DISC1: variants seen among roughly 807,000 people sequenced by gnomAD.
DISC1 encodes the protein DISC1 scaffold protein.
DISC1 carries 57 observed loss-of-function variants against 84.5 expected under a neutral mutation model. That is an observed-to-expected ratio of 0.67 (90% CI 0.55 to 0.84). The LOEUF is 0.84. Ranked by LOEUF, DISC1 falls within the 40% of genes least tolerant of loss-of-function variation. DISC1 has a pLI of 0.00. For missense variants in DISC1, 1,000 were observed against 1,057.8 expected, an observed-to-expected ratio of 0.95 and a Z score of 0.76; for synonymous variants, 411 against 415.2, an observed-to-expected ratio of 0.99 and a Z score of 0.12.
chr1:231,948,604 T>TA (rs1359184237), intron 9 of DISC1, among the ~76,000 whole-genome samples: 1 of 150,114 alleles, frequency 6.7e-6, no homozygotes, highest in African/African-American at 2.5e-5. Context: ...TAAAGTATAA[T>TA]TAAAAAAAAA....
At chr1:231,677,821 A>G (rs1379658293) in intron 1 of DISC1, among the ~76,000 whole-genome samples, 1 of 152,202 alleles carries the variant, frequency 6.6e-6, no homozygotes, top group African/African-American at 2.4e-5. Flanking sequence ...TCTACTAATA[A>G]TGCAAAAATT....
intron 3 of DISC1, among the ~76,000 whole-genome samples, chr1:231,727,962 A>C (rs2070965721): frequency 6.6e-6 from 1 of 151,538 alleles, no homozygotes. Flanking sequence ...AAAAAAAAGG[A>C]GGGGTAGGGG....
intron 11 of DISC1, among the ~76,000 whole-genome samples, chr1:232,012,258 T>A (rs1558836003): frequency 6.6e-6 from 1 of 152,178 alleles, no homozygotes; most frequent in East Asian, 1.9e-4. Flanking sequence ...TTTACATGTA[T>A]AATATACTCA....
chr1:231,695,443 G>T (rs1472586056), intron 2 of DISC1, among the ~76,000 whole-genome samples: 1 of 152,194 alleles, frequency 6.6e-6, no homozygotes, highest in Non-Finnish European at 1.5e-5. Context: ...TGTCCATCCA[G>T]TTATCTGAGA....
chr1:231,995,220 A>T (rs1475096472), intron 10 of DISC1, among the ~76,000 whole-genome samples: 1 of 152,004 alleles, frequency 6.6e-6, no homozygotes, highest in Non-Finnish European at 1.5e-5. Flanking sequence ...CATGAGGACT[A>T]TTCTACCTTC....
chr1:231,956,437 A>G (rs1163948051), intron 9 of DISC1, among the ~76,000 whole-genome samples: 1 of 152,084 alleles, frequency 6.6e-6, no homozygotes, highest in Non-Finnish European at 1.5e-5. Context: ...CCACATCTCC[A>G]TCATCTTTTC....
intron 1 of DISC1, among the ~76,000 whole-genome samples, chr1:231,659,231 T>C (rs1008038224): frequency 4.6e-5 from 7 of 152,144 alleles, no homozygotes; most frequent in Admixed American, 1.3e-4. Context: ...GTCTAGGAAT[T>C]TATCCATTTC....
chr1:231,815,628 C>A (rs2080870671), intron 8 of DISC1, among the ~76,000 whole-genome samples: 1 of 151,444 alleles, frequency 6.6e-6, no homozygotes, highest in Non-Finnish European at 1.5e-5. Context: ...ATCCTAGCTA[C>A]TTGGGAGGCT....
chr1:231,737,510 A>C (rs910030865), intron 3 of DISC1, among the ~76,000 whole-genome samples: 1 of 152,248 alleles, frequency 6.6e-6, no homozygotes, highest in Non-Finnish European at 1.5e-5. Context: ...ATTTAAAATA[A>C]AGAAAAGTCA....
chr1:231,950,533 G>GGT (rs1299481539), intron 9 of DISC1, among the ~76,000 whole-genome samples: 3 of 152,212 alleles, frequency 2.0e-5, no homozygotes, highest in African/African-American at 4.8e-5. Flanking sequence ...AGGCTGTGAA[G>GGT]TGAACCTGCT....
intron 1 of DISC1, among the ~76,000 whole-genome samples, chr1:231,660,321 T>G (rs1256745716): frequency 1.3e-5 from 2 of 152,174 alleles, no homozygotes; most frequent in African/African-American, 2.4e-5. Flanking sequence ...TTCCATTTGC[T>G]TGGTAAATTT....
intron 3 of DISC1, among the ~76,000 whole-genome samples, chr1:231,746,776 C>T (rs533157684): frequency 1.3e-5 from 2 of 152,096 alleles, no homozygotes; most frequent in South Asian, 2.1e-4. Context: ...AATGTCTGTT[C>T]GGATTATTTG....
chr1:232,004,106 T>G (rs1389601283), intron 10 of DISC1, among the ~76,000 whole-genome samples: 1 of 151,808 alleles, frequency 6.6e-6, no homozygotes, highest in South Asian at 2.1e-4. Context: ...ATATGCTTAT[T>G]ATAACATTAA....
At chr1:231,785,494 A>G (rs1193647348) in intron 6 of DISC1, among the ~76,000 whole-genome samples, 4 of 151,704 alleles carry the variant, frequency 2.6e-5, no homozygotes, top group Non-Finnish European at 5.9e-5. Flanking sequence ...GGTTTTCACC[A>G]TATTGTCCAG....
In DISC1 at chr1:231,663,966, T is replaced by C. The variant is rs115417616; in HGVS notation, c.68-29860T>C. Reference sequence around the variant, plus strand: ...TCATAGGTATTAAGTTGGACAGATATGGCCAAACTGTTTAATTTTGTGAGC... The same window carrying C: ...TCATAGGTATTAAGTTGGACAGATACGGCCAAACTGTTTAATTTTGTGAGC... On this transcript the variant is annotated intron_variant, in intron 1 of 12. Coordinates refer to ENST00000439617, the MANE Select transcript of DISC1 (RefSeq NM_018662.3). 2.8e-3 allele frequency among the ~76,000 whole-genome samples: 428 copies of C among 152,278 alleles called. 7 individuals carry two copies. The highest frequency in any genetic ancestry group is 9.7e-3 in the East Asian group (50 of 5,178).
At position 231,902,602 on chromosome 1, in the gene DISC1, A is replaced by C. The variant is rs561564456; in HGVS notation, c.1982-56226A>C. Among the ~76,000 whole-genome samples, 5 of 151,300 alleles carry C rather than the reference A, an allele frequency of 3.3e-5. No individual in the cohort carries two copies. The South Asian group carries it at 1.0e-3, about 32-fold the overall frequency. On this transcript the variant is annotated intron_variant, in intron 9 of 12. Coordinates refer to ENST00000439617, the MANE Select transcript of DISC1 (RefSeq NM_018662.3). ...GGTGACAGAGTGAGATTCTGTCTCA[A>C]AAAAAAAACAAAACTCATTATCTTA...
intron 9 of DISC1, among the ~76,000 whole-genome samples, chr1:231,870,988 C>A (rs202148465): frequency 2.6e-5 from 4 of 152,054 alleles, no homozygotes; most frequent in African/African-American, 9.7e-5. Flanking sequence ...AATATGTACC[C>A]GCATTTTTCT....
At chr1:231,668,659 T>A (rs1048426391) in intron 1 of DISC1, among the ~76,000 whole-genome samples, 1 of 152,190 alleles carries the variant, frequency 6.6e-6, no homozygotes, top group Non-Finnish European at 1.5e-5. Context: ...TCCCAAAATC[T>A]TTGGCCAACA....
intron 8 of DISC1, among the ~76,000 whole-genome samples, chr1:231,807,773 A>G (rs75858179): frequency 6.6e-6 from 1 of 152,138 alleles, no homozygotes; most frequent in African/African-American, 2.4e-5. Context: ...TTTTTAATCA[A>G]TTGGACCTGA....
Sources: gnomAD v4.1 joint callset for allele counts (sites outside exome capture counted in the v4.1 genomes callset) on GRCh38, gnomAD v4.1.1 for gene constraint, MANE v1.5 for transcripts, NCBI Gene and HGNC (gene_info 2026-07-23, HGNC 2026-07-21) for gene names.